The following PCDH15 variants were observed in gnomAD, a reference collection of about 807,000 sequenced individuals.
PCDH15 encodes the protein protocadherin-15.
PCDH15 carries 129 observed loss-of-function variants against 178.5 expected under a neutral mutation model. The ratio of observed to expected loss-of-function variants is 0.72; its 90% CI spans 0.63 to 0.84. PCDH15 has a LOEUF of 0.84. Ranked by LOEUF, PCDH15 falls within the 40% of genes least tolerant of loss-of-function variation. The pLI, the probability that PCDH15 is intolerant of heterozygous loss-of-function variation, is 0.00. For synonymous variants in PCDH15, 800 were observed against 732.0 expected (o/e 1.09, Z -1.50); for missense variants, 2,230 against 2,099.9 (o/e 1.06, Z -1.21).
chr10:54,065,918 G>A (rs1188382146), intron 18 of PCDH15, among the ~76,000 whole-genome samples: 1 of 152,154 alleles, frequency 6.6e-6, no homozygotes, highest in Non-Finnish European at 1.5e-5. Flanking sequence ...TAGCAGAACA[G>A]TAGAGAAGCC....
chr10:54,132,271 A>AT (rs2042501486), intron 15 of PCDH15, among the ~76,000 whole-genome samples: 1 of 152,228 alleles, frequency 6.6e-6, no homozygotes, highest in Admixed American at 6.5e-5. Context: ...TCAGAAATAT[A>AT]TAAACAGTGA....
At chr10:55,179,009 G>A (rs1471172231) in intron 1 of PCDH15, among the ~76,000 whole-genome samples, 8 of 152,004 alleles carry the variant, frequency 5.3e-5, no homozygotes, top group African/African-American at 7.2e-5. Context: ...GTTATCTCTG[G>A]CACAAGATTA....
intron 2 of PCDH15, among the ~76,000 whole-genome samples, chr10:54,661,627 G>A (rs1415427007): frequency 2.0e-5 from 3 of 151,850 alleles, no homozygotes; most frequent in Admixed American, 6.6e-5. Flanking sequence ...GAAGTTGGGG[G>A]CATCACATTA....
At chr10:55,156,688 G>T (rs998652510) in intron 2 of PCDH15, among the ~76,000 whole-genome samples, 2 of 152,102 alleles carry the variant, frequency 1.3e-5, no homozygotes, top group African/African-American at 4.8e-5. Flanking sequence ...AATCTCTAGA[G>T]ATCACTGTGA....
At chr10:53,890,874 T>A (rs7083009) in intron 26 of PCDH15, among the ~76,000 whole-genome samples, 2 of 152,024 alleles carry the variant, frequency 1.3e-5, no homozygotes, top group African/African-American at 2.4e-5. Flanking sequence ...AAAATCTCTC[T>A]CCAGGCCTGC....
At chr10:54,776,811 G>A (rs901958085) in intron 1 of PCDH15, among the ~76,000 whole-genome samples, 1 of 152,102 alleles carries the variant, frequency 6.6e-6, no homozygotes, top group Admixed American at 6.5e-5. Flanking sequence ...AGTATGTGAC[G>A]TCACCACACG....
chr10:54,527,227 AG>A (rs2083445736), intron 3 of PCDH15, among the ~76,000 whole-genome samples: 2 of 152,182 alleles, frequency 1.3e-5, no homozygotes, highest in Admixed American at 1.3e-4. Flanking sequence ...AAGGAAAAAA[AG>A]TTTTTCCAAA....
rs774682018 is a variant in PCDH15 at position 53,809,185 on chromosome 10, G to A, written c.4671+1371C>T. 1.2e-5 allele frequency: 20 copies of A among 1,613,778 alleles called. No individual in the cohort carries two copies. In the Admixed American group the frequency reaches 3.2e-4, roughly 26 times the overall value. On this transcript the variant is annotated intron_variant, in intron 37 of 37. Coordinates refer to ENST00000644397, the MANE Select transcript of PCDH15 (RefSeq NM_001384140.1). ...TGTCTCTGACTCAGATTCCTCTTCT[G>A]TAGTCTCAGACTCACTGAACTCAGA...
At chr10:54,795,909 T>G (rs1334699893) in intron 1 of PCDH15, among the ~76,000 whole-genome samples, 1 of 151,928 alleles carries the variant, frequency 6.6e-6, no homozygotes, top group African/African-American at 2.4e-5. Flanking sequence ...CAATCTCCAT[T>G]TACTGAAATA....
chr10:55,187,127 T>A (rs1243843461), intron 1 of PCDH15, among the ~76,000 whole-genome samples: 1 of 151,884 alleles, frequency 6.6e-6, no homozygotes, highest in Non-Finnish European at 1.5e-5. Flanking sequence ...ATACACAGAG[T>A]ACTTTCAGTC....
chr10:54,254,428 A>G lies in PCDH15; in HGVS notation c.877-17497T>C, dbSNP rs115732248. ...GAAAATAAAGGTTCATTTTTTTGAT[A>G]GATAGTCTTGGTGGGATTATGTCTG... On this transcript the variant is annotated intron_variant, in intron 8 of 37. Transcript: ENST00000644397. Among the ~76,000 whole-genome samples the G allele has an allele frequency of 2.4e-3, 364 of 152,278 alleles. 1 individual carries two copies. Among genetic ancestry groups the G allele is most frequent in the African/African-American group, 8.4e-3 (349 of 41,576 alleles).
In PCDH15 at chr10:54,173,677, C is replaced by T. The variant is rs561028007; in HGVS notation, c.1590+9767G>A. ...ATAATATTTATTAAAGGTCAATGTG[C>T]TGGGACTGTGTAAGGTGTTAGGCAT... On this transcript the variant is annotated intron_variant, in intron 13 of 37. Coordinates refer to ENST00000644397, the MANE Select transcript of PCDH15 (RefSeq NM_001384140.1). Among the ~76,000 whole-genome samples, 3 of 152,120 alleles carry T rather than the reference C, an allele frequency of 2.0e-5. No individual in the cohort carries two copies. The East Asian group carries it at 5.8e-4, about 29-fold the overall frequency.
intron 2 of PCDH15, among the ~76,000 whole-genome samples, chr10:55,606,836 G>C (rs1418913647): frequency 6.8e-6 from 1 of 146,024 alleles, no homozygotes; most frequent in Non-Finnish European, 1.5e-5. Context: ...CATAGGCATG[G>C]GCAAGGACTT....
chr10:54,948,403 T>C (rs538560934), intron 2 of PCDH15, among the ~76,000 whole-genome samples: 9 of 152,096 alleles, frequency 5.9e-5, no homozygotes, highest in Admixed American at 2.6e-4. Flanking sequence ...GTCAATCTGC[T>C]TTATCAATGT....
intron 3 of PCDH15, among the ~76,000 whole-genome samples, chr10:54,504,008 C>T (rs1403907749): frequency 6.6e-6 from 1 of 152,094 alleles, no homozygotes; most frequent in Non-Finnish European, 1.5e-5. Context: ...CTTCAGGCTC[C>T]TAGTGAAGAA....
chr10:54,118,980 A>C (rs4431930), intron 15 of PCDH15, among the ~76,000 whole-genome samples: 54,174 of 151,932 alleles, frequency 0.36, 10,108 homozygotes, highest in Non-Finnish European at 0.42. Flanking sequence ...ATAAAAAGAA[A>C]GAAAGAACAA....
intron 1 of PCDH15, among the ~76,000 whole-genome samples, chr10:54,719,270 A>G (rs756800978): frequency 6.6e-6 from 1 of 152,176 alleles, no homozygotes; most frequent in Non-Finnish European, 1.5e-5. Flanking sequence ...AAATAACTTC[A>G]GAGCTGGAAG....
intron 30 of PCDH15, among the ~76,000 whole-genome samples, chr10:53,830,865 T>A (rs2076974155): frequency 6.6e-6 from 1 of 152,166 alleles, no homozygotes; most frequent in Non-Finnish European, 1.5e-5. Flanking sequence ...ACTGTGATCA[T>A]TTGCACAAAG....
intron 2 of PCDH15, among the ~76,000 whole-genome samples, chr10:54,985,752 C>T (rs11004656): frequency 0.21 from 31,284 of 152,140 alleles, 3,400 homozygotes; most frequent in South Asian, 0.28. Context: ...TCATTTCACA[C>T]CATCATCAAA....
Sources: gnomAD v4.1 joint callset for allele counts (sites outside exome capture counted in the v4.1 genomes callset) on GRCh38, gnomAD v4.1.1 for gene constraint, MANE v1.5 for transcripts, NCBI Gene and HGNC (gene_info 2026-07-23, HGNC 2026-07-21) for gene names.